EEF2: variants seen among roughly 807,000 people sequenced by gnomAD.
EEF2 encodes eukaryotic translation elongation factor 2.
In EEF2, 21 loss-of-function variants were observed where a neutral mutation model predicts 85.3. That is an observed-to-expected ratio of 0.25 (90% CI 0.17 to 0.35). The LOEUF (loss-of-function observed/expected upper bound fraction) is 0.35. EEF2 is among the 10% of genes least tolerant of loss of function. The pLI, the probability that EEF2 is intolerant of heterozygous loss-of-function variation, is 1.00. For synonymous variants in EEF2, 723 were observed against 508.8 expected, an observed-to-expected ratio of 1.42 and a Z score of -5.67; for missense variants, 825 against 1,225.3, an observed-to-expected ratio of 0.67 and a Z score of 4.88.
chr19:3,979,183 A>G (rs978277800), intron 11 of EEF2, 146 bp downstream of exon 11: 1 of 626,876 alleles, frequency 1.6e-6, no homozygotes, highest in Non-Finnish European at 2.8e-6. Flanking sequence ...GGAAGACTGC[A>G]AAGAAGAAAC....
Position 3,977,972 on chromosome 19 carries a change from C to A in EEF2, c.1914G>T (p.Lys638Asn), listed in dbSNP as rs775329938. 6.2e-7 allele frequency: 1 copy of A among 1,613,362 alleles called. No homozygotes were observed. The highest frequency in any genetic ancestry group is 8.5e-7 in the Non-Finnish European group (1 of 1,179,888). The change falls in exon 12 of 15, where the codon AAG becomes AAT. Residue 638 changes from lysine to asparagine, a missense_variant. Coordinates refer to ENST00000309311, the MANE Select transcript of EEF2 (RefSeq NM_001961.4). This position sits in a 1 kb window ranked among gnomAD's most constrained non-coding sequence, Gnocchi z 5.4. Reference sequence around the variant, plus strand: ...GGGCCTCAGCCACGTCCCACTCGTACTTCTCGGCCAGGTAGCGCGCCCGCT... The same window carrying A: ...GGGCCTCAGCCACGTCCCACTCGTAATTCTCGGCCAGGTAGCGCGCCCGCT... ...LKQRARYLAE[K>N]YEWDVAEARK... is the part of the protein sequence containing the mutation.
In EEF2 at chr19:3,985,441, T is replaced by TGGCGGCGACGACGGC; in HGVS notation, c.-76_-62dup. 1.4e-6 allele frequency: 2 copies of TGGCGGCGACGACGGC among 1,446,040 alleles called. No individual in the cohort carries two copies. The highest frequency in any genetic ancestry group is 9.1e-7 in the Non-Finnish European group (1 of 1,093,632). 89.6% of individuals were successfully genotyped at this position (1,446,040 alleles called of 1,614,324 possible). A position where few individuals can be genotyped will look rare whatever the true frequency, so the allele number is the denominator to read the frequency against. ...CGAAAGAAGCGAGTCGCGCCGAGGATGGCGGCGACGACGGCGGAAGAGAAC... is the reference window on the plus strand; with the variant it reads ...CGAAAGAAGCGAGTCGCGCCGAGGATGGCGGCGACGACGGCGGCGGCGACGACGGCGGAAGAGAAC... On this transcript the variant is annotated 5_prime_UTR_variant, in exon 1 of 15. Transcript: ENST00000309311.
At position 3,977,750 on chromosome 19, in the gene EEF2, G is replaced by A. The variant is rs1183140312; in HGVS notation, c.2067+69C>T. On this transcript the variant is annotated intron_variant, in intron 12 of 14. Transcript: ENST00000309311. The surrounding 1 kb of genome is among the most constrained non-coding windows in gnomAD (Gnocchi z 5.4). Reference sequence around the variant, plus strand: ...CCCCATTAGGGTCTCTGTCTCGGGAGGCAGGACCATGAGGTCCCTCTAGAG... The same window carrying A: ...CCCCATTAGGGTCTCTGTCTCGGGAAGCAGGACCATGAGGTCCCTCTAGAG... 3.3e-6 allele frequency: 5 copies of A among 1,498,476 alleles called. No individual in the cohort carries two copies. The highest frequency in any genetic ancestry group is 4.6e-5 in the East Asian group (2 of 43,672). The allele number at this position is 1,498,476 out of a possible 1,614,324, so 92.8% of individuals were successfully genotyped here.
In EEF2 at chr19:3,976,335, T is replaced by C. The variant is rs2039679585; in HGVS notation, c.*219A>G. 3.2e-6 allele frequency: 1 copy of C among 316,568 alleles called. No individual in the cohort carries two copies. Among genetic ancestry groups the C allele is most frequent in the Non-Finnish European group, 6.1e-6 (1 of 164,884 alleles). 19.6% of individuals were successfully genotyped at this position (316,568 alleles called of 1,614,324 possible). ...CCCGACCGGCCCATTAAGTCCCTAC[T>C]AAGAGGGCGTGTCTGCTGCCTCCGG... On this transcript the variant is annotated 3_prime_UTR_variant, in exon 15 of 15. Coordinates refer to ENST00000309311, the MANE Select transcript of EEF2 (RefSeq NM_001961.4).
In EEF2 at chr19:3,985,244, C is replaced by A. The variant is rs560605431; in HGVS notation, c.3+134G>T. The A allele has an allele frequency of 0.013, 13,855 of 1,039,014 alleles. 122 individuals are homozygous for A. Among genetic ancestry groups the A allele is most frequent in the Non-Finnish European group, 0.016 (12,142 of 781,648 alleles). 64.4% of individuals were successfully genotyped at this position (1,039,014 alleles called of 1,614,324 possible). A position where few individuals can be genotyped will look rare whatever the true frequency, so the allele number is the denominator to read the frequency against. ...GACATGGCGGCGGCCGCTTCCCCAG[C>A]CCCGGGTCCTCCGGCCCCGCCGCCG... is the stretch of plus-strand genomic sequence containing the variant. On this transcript the variant is annotated intron_variant, in intron 1 of 14. Transcript: ENST00000309311.
intron 2 of EEF2, chr19:3,983,880 G>A: frequency 3.8e-6 from 2 of 532,664 alleles, no homozygotes; most frequent in South Asian, 2.2e-5. Context: ...TTGTAGGAGT[G>A]GGGGCAAGTC....
intron 7 of EEF2, 85 bp downstream of exon 7, chr19:3,981,254 T>C: frequency 1.5e-6 from 2 of 1,369,272 alleles, no homozygotes; most frequent in Middle Eastern, 2.2e-4. Flanking sequence ...AGCTGAGGAC[T>C]TCAGCCCCCA....
At chr19:3,984,450 AGGGGGTTGGTGCT>A in intron 1 of EEF2, 100 bp from the exon 2 acceptor site, 1 of 1,347,590 alleles carries the variant, frequency 7.4e-7, no homozygotes, top group Non-Finnish European at 1.0e-6. Flanking sequence ...CAAGGCCAGG[AGGGGGTTGGTGCT>A]GGGGTGCCCC....
rs201101746 is a variant in EEF2, at chr19:3,979,692, C to CT, written c.1605+115dup. On this transcript the variant is annotated intron_variant, in intron 10 of 14. Coordinates refer to ENST00000309311, the MANE Select transcript of EEF2 (RefSeq NM_001961.4). ...TTACAGCCACAGCCAAGAACCCCTC[C>CT]TTTCATGACCAGTCACCCCAATCCA... 1.7e-3 allele frequency: 2,563 copies of CT among 1,469,256 alleles called. 37 individuals are homozygous for CT. In the African/African-American group the frequency reaches 0.031, roughly 17 times the overall value. The allele number at this position is 1,469,256 out of a possible 1,614,324, so 91.0% of individuals were successfully genotyped here.
intron 8 of EEF2, 37 bp downstream of exon 8, chr19:3,980,804 G>C: frequency 1.9e-6 from 3 of 1,584,886 alleles, no homozygotes; most frequent in Non-Finnish European, 2.6e-6. Context: ...GAAGTCATCC[G>C]GCTGCATCTC....
chr19:3,977,225 G>C lies in EEF2; in HGVS notation c.2373C>G (p.Asn791Lys). 1 of 1,613,626 alleles carries C rather than the reference G, an allele frequency of 6.2e-7. No individual in the cohort carries two copies. ...MFVVKAYLPV[N>K]ESFGFTADLR... is the part of the protein sequence containing the mutation. ...CGGGCAGGCACTCACCAAAGGACTC[G>C]TTGACGGGCAGATAGGCCTTGACCA... is the stretch of plus-strand genomic sequence containing the variant. Residue 791 changes from asparagine (N) to lysine (K), a missense_variant, in exon 14 of 15, where the codon AAC becomes AAG. By Grantham distance (94) the Asn-to-Lys change is moderately conservative (BLOSUM62 0). Coordinates refer to ENST00000309311, the MANE Select transcript of EEF2 (RefSeq NM_001961.4). This position sits in a 1 kb window ranked among gnomAD's most constrained non-coding sequence, Gnocchi z 5.4.
chr19:3,983,382 C>T, intron 2 of EEF2, 91 bp from the exon 3 acceptor site: 1 of 1,379,784 alleles, frequency 7.2e-7, no homozygotes, highest in Non-Finnish European at 9.9e-7. Context: ...CTGCTCCTCC[C>T]TCCATGACTC....
chr19:3,985,393 C>A lies in EEF2; in HGVS notation c.-13G>T. 2 of 1,510,804 alleles carry A rather than the reference C, an allele frequency of 1.3e-6. No homozygotes were observed. Among genetic ancestry groups the A allele is most frequent in the South Asian group, 1.3e-5 (1 of 79,260 alleles). 93.6% of individuals were successfully genotyped at this position (1,510,804 alleles called of 1,614,324 possible). A position where few individuals can be genotyped will look rare whatever the true frequency, so the allele number is the denominator to read the frequency against. ...GGTTACTCACCATGGTGGCGGATGG[C>A]GGTGGATTCTCCCAGGTAGAACCGA... On this transcript the variant is annotated 5_prime_UTR_variant, in exon 1 of 15. Transcript: ENST00000309311.
rs762960051 is a variant in EEF2, at chr19:3,984,090, A to G, written c.218+46T>C. The G allele has an allele frequency of 4.4e-6, 7 of 1,597,614 alleles. No homozygotes were observed. In the East Asian group the frequency reaches 1.3e-4, roughly 31 times the overall value. ...CCTGGCCCAGTGGCCTCCAGCTGCC[A>G]GGCCAGCACCTCCCTGCCTGGGTAC... On this transcript the variant is annotated intron_variant, in intron 2 of 14. Transcript: ENST00000309311.
chr19:3,984,363 A>G lies in EEF2; in HGVS notation c.4-13T>C. 6.2e-7 allele frequency: 1 copy of G among 1,613,086 alleles called. No individual in the cohort carries two copies. The highest frequency in any genetic ancestry group is 8.5e-7 in the Non-Finnish European group (1 of 1,179,136). On this transcript the variant is annotated splice_polypyrimidine_tract_variant and intron_variant, in intron 1 of 14. Transcript: ENST00000309311. The stretch of plus-strand genomic sequence containing the variant: ...CCGTGAAGTTCACCTGGGCAAGACA[A>G]GGAGGCTCAGACCAGCTCGTGATTT...
At chr19:3,979,699 G>T (rs2039721758) in intron 10 of EEF2, 109 bp downstream of exon 10, 1 of 1,487,292 alleles carries the variant, frequency 6.7e-7, no homozygotes, top group South Asian at 1.3e-5. Context: ...CTCCTTTCAT[G>T]ACCAGTCACC....
At chr19:3,984,449 G>C (rs941377969) in intron 1 of EEF2, 99 bp from the exon 2 acceptor site, 2 of 1,346,058 alleles carry the variant, frequency 1.5e-6, no homozygotes, top group Non-Finnish European at 2.1e-6. Context: ...CCAAGGCCAG[G>C]AGGGGGTTGG....
At chr19:3,983,885 C>T in intron 2 of EEF2, 2 of 537,684 alleles carry the variant, frequency 3.7e-6, no homozygotes, top group South Asian at 2.1e-5. Flanking sequence ...GGAGTGGGGG[C>T]AAGTCCCCCA....
rs376822923 is a variant in EEF2 at position 3,981,912 on chromosome 19, G to C, written c.897+35C>G. The C allele has an allele frequency of 2.4e-5, 38 of 1,592,870 alleles. No homozygotes were observed. In the South Asian group the frequency reaches 3.3e-4, roughly 14 times the overall value. ...CCCACAGGGCCGAGGGCCAATAGTC[G>C]CATCGGCGGGGTGCCTGGCGCAGCC... On this transcript the variant is annotated intron_variant, in intron 6 of 14. Transcript: ENST00000309311.
Sources: gnomAD v4.1 joint callset for allele counts on GRCh38, gnomAD v4.1.1 for gene constraint, Gnocchi (gnomAD v3.1) non-coding constraint, MANE v1.5 for transcripts, NCBI Gene and HGNC (gene_info 2026-07-23, HGNC 2026-07-21) for gene names.